The following DOCK1 variants were observed in gnomAD, a reference collection of about 807,000 sequenced individuals.
The protein encoded by DOCK1 is dedicator of cytokinesis 1.
In DOCK1, 138 loss-of-function variants were observed where a neutral mutation model predicts 262.7. The observed-to-expected ratio is 0.53, with a 90% CI of 0.46 to 0.61. DOCK1 has a LOEUF of 0.61. Ranked by LOEUF, DOCK1 falls within the 20% of genes least tolerant of loss-of-function variation. The pLI is 0.00. For synonymous variants in DOCK1, 866 were observed against 867.4 expected (o/e 1.00, Z 0.03); for missense variants, 1,908 against 2,370.7 (o/e 0.80, Z 4.05).
intron 1 of DOCK1, among the ~76,000 whole-genome samples, chr10:126,947,764 T>C (rs2035638354): frequency 1.4e-5 from 2 of 141,512 alleles, no homozygotes; most frequent in African/African-American, 5.5e-5. Context: ...GTTGGTAGTA[T>C]TACTGTTGGT....
At position 127,339,083 on chromosome 10, in the gene DOCK1, A is replaced by C; in HGVS notation, c.3122A>C (p.Gln1041Pro). ...KFLDQANFEL[Q>P]LWNNYFHLAV... ...CTGGATCAAGCCAACTTTGAGCTAC[A>C]GGTAAGAGAAGAGGTAGACACGACC... Residue 1041 changes from glutamine to proline, a missense_variant and splice_region_variant, in exon 30 of 52, where the codon CAG becomes CCG. Transcript: ENST00000623213. The C allele has an allele frequency of 6.4e-7, 1 of 1,568,588 alleles. No individual in the cohort carries two copies. The highest frequency in any genetic ancestry group is 8.6e-7 in the Non-Finnish European group (1 of 1,156,298).
At chr10:126,947,382 GGTGGTA>G (rs2035537944) in intron 1 of DOCK1, among the ~76,000 whole-genome samples, 2 of 144,158 alleles carry the variant, frequency 1.4e-5, no homozygotes, top group African/African-American at 2.6e-5. Flanking sequence ...TGGTGGTGAT[GGTGGTA>G]GTTGGTAGTA....
chr10:127,093,254 T>C (rs1414835010), intron 23 of DOCK1, among the ~76,000 whole-genome samples: 3 of 136,542 alleles, frequency 2.2e-5, no homozygotes, highest in Admixed American at 7.2e-5. Context: ...TTTTTTTTTT[T>C]TTTTTTTTGG....
intron 1 of DOCK1, among the ~76,000 whole-genome samples, chr10:126,964,065 G>C (rs919005500): frequency 6.6e-6 from 1 of 152,136 alleles, no homozygotes; most frequent in Non-Finnish European, 1.5e-5. Flanking sequence ...TCACATTCTC[G>C]CTAGTAGTAC....
intron 29 of DOCK1, among the ~76,000 whole-genome samples, chr10:127,294,653 T>C (rs1486958919): frequency 5.7e-5 from 6 of 105,744 alleles, no homozygotes; most frequent in African/African-American, 2.2e-4. Flanking sequence ...TTGTCCTATT[T>C]TTTTTTTTTT....
intron 47 of DOCK1, among the ~76,000 whole-genome samples, chr10:127,432,125 T>A (rs912764794): frequency 6.6e-6 from 1 of 152,168 alleles, no homozygotes; most frequent in African/African-American, 2.4e-5. Flanking sequence ...GTGGAAAAAT[T>A]GTATTCCACG....
intron 29 of DOCK1, among the ~76,000 whole-genome samples, chr10:127,310,914 T>A (rs576300943): frequency 6.6e-6 from 1 of 152,262 alleles, no homozygotes; most frequent in South Asian, 2.1e-4. Context: ...TGGCTGAAAA[T>A]TACCCTGAAA....
At chr10:127,075,484 A>G (rs79046891) in intron 23 of DOCK1, among the ~76,000 whole-genome samples, 1,959 of 152,132 alleles carry the variant, frequency 0.013, 36 homozygotes, top group African/African-American at 0.045. Context: ...ATATTAGTCT[A>G]TTTTCACACT....
At chr10:127,218,315 G>A (rs763280161) in intron 27 of DOCK1, among the ~76,000 whole-genome samples, 1 of 152,140 alleles carries the variant, frequency 6.6e-6, no homozygotes, top group Non-Finnish European at 1.5e-5. Context: ...GAGAACTTTG[G>A]TTCACAATGG....
intron 29 of DOCK1, among the ~76,000 whole-genome samples, chr10:127,315,891 GT>G (rs1289706084): frequency 1.3e-5 from 2 of 152,088 alleles, no homozygotes; most frequent in East Asian, 3.9e-4. Context: ...TAGAGACGGG[GT>G]TTCACCATGT....
chr10:127,019,402 T>C (rs1211229816), intron 13 of DOCK1, among the ~76,000 whole-genome samples: 1 of 152,210 alleles, frequency 6.6e-6, no homozygotes, highest in East Asian at 1.9e-4. Context: ...TTTGGAAGCA[T>C]GTTAATTTGT....
At chr10:127,386,658 T>C (rs1352221059) in intron 38 of DOCK1, among the ~76,000 whole-genome samples, 2 of 151,992 alleles carry the variant, frequency 1.3e-5, no homozygotes, top group East Asian at 3.9e-4. Context: ...CTCCCACTGA[T>C]TCTACATGAT....
intron 29 of DOCK1, among the ~76,000 whole-genome samples, chr10:127,278,198 A>C (rs1275279144): frequency 6.6e-6 from 1 of 152,136 alleles, no homozygotes; most frequent in African/African-American, 2.4e-5. Flanking sequence ...CAGTGTAAGC[A>C]AATTTGCACA....
At chr10:127,220,192 T>G (rs2134428316) in intron 27 of DOCK1, among the ~76,000 whole-genome samples, 1 of 151,800 alleles carries the variant, frequency 6.6e-6, no homozygotes, top group South Asian at 2.1e-4. Flanking sequence ...GTTGTCTGTC[T>G]CAGTTGATGT....
chr10:126,963,652 T>C (rs1237546185), intron 1 of DOCK1, among the ~76,000 whole-genome samples: 19,226 of 102,850 alleles, frequency 0.19, 3,226 homozygotes, highest in Middle Eastern at 0.27. Flanking sequence ...CCTTCCTTCC[T>C]TCCTTCCTTC....
At chr10:127,099,049 G>A (rs992380977) in intron 23 of DOCK1, among the ~76,000 whole-genome samples, 1 of 152,196 alleles carries the variant, frequency 6.6e-6, no homozygotes, top group Non-Finnish European at 1.5e-5. Context: ...GCCAGAGCCT[G>A]TGGTAGGAAG....
At chr10:127,144,130 C>T (rs778355169) in intron 27 of DOCK1, among the ~76,000 whole-genome samples, 1 of 152,168 alleles carries the variant, frequency 6.6e-6, no homozygotes, top group Non-Finnish European at 1.5e-5. Context: ...CCTCCTTGGC[C>T]ATTGAAACAG....
At chr10:127,349,477 C>T (rs1018009919) in intron 31 of DOCK1, among the ~76,000 whole-genome samples, 1 of 152,188 alleles carries the variant, frequency 6.6e-6, no homozygotes. Context: ...GTGGGGGTTC[C>T]GCACACCTTG....
At chr10:127,138,874 T>G (rs1468714473) in intron 27 of DOCK1, among the ~76,000 whole-genome samples, 1 of 152,244 alleles carries the variant, frequency 6.6e-6, no homozygotes, top group African/African-American at 2.4e-5. Context: ...CTCGTCTCCA[T>G]GTCTTTGAAA....
Sources: gnomAD v4.1 joint callset for allele counts (sites outside exome capture counted in the v4.1 genomes callset) on GRCh38, gnomAD v4.1.1 for gene constraint, MANE v1.5 for transcripts, NCBI Gene and HGNC (gene_info 2026-07-23, HGNC 2026-07-21) for gene names.